FOXP2: variants seen among roughly 807,000 people sequenced by gnomAD.
FOXP2 encodes forkhead box protein P2.
Under a neutral mutation model 115.8 loss-of-function variants are expected in FOXP2, and 12 were observed. The ratio of observed to expected loss-of-function variants is 0.10; its 90% CI spans 0.07 to 0.17. The LOEUF is 0.17. Among genes scored for constraint, FOXP2 ranks in the 10% least tolerant of loss-of-function variants. The probability of loss-of-function intolerance (pLI) is 1.00; values close to 1 mark genes in which losing one functional copy is unlikely to be tolerated. For missense variants in FOXP2, 629 were observed against 843.5 expected (o/e 0.75, Z 3.15); for synonymous variants, 328 against 297.7 (o/e 1.10, Z -1.05).
intron 1 of FOXP2, among the ~76,000 whole-genome samples, chr7:114,190,156 G>T (rs1031625483): frequency 6.6e-6 from 1 of 152,156 alleles, no homozygotes; most frequent in Non-Finnish European, 1.5e-5. Flanking sequence ...CCTTGTAATG[G>T]TTAATTTTAT....
At chr7:114,686,455 G>A (rs1808369977) in intron 16 of FOXP2, among the ~76,000 whole-genome samples, 1 of 152,208 alleles carries the variant, frequency 6.6e-6, no homozygotes, top group African/African-American at 2.4e-5. Context: ...TAACAGGAGT[G>A]AGCCACAGCG....
chr7:114,246,677 G>A (rs1795292870), intron 1 of FOXP2, among the ~76,000 whole-genome samples: 3 of 151,972 alleles, frequency 2.0e-5, no homozygotes, highest in Admixed American at 2.0e-4. Context: ...TTCTAATCAT[G>A]AGGGATTCAG....
At chr7:114,302,191 T>C (rs1796894309) in intron 2 of FOXP2, among the ~76,000 whole-genome samples, 1 of 152,180 alleles carries the variant, frequency 6.6e-6, no homozygotes, top group African/African-American at 2.4e-5. Flanking sequence ...TCAAATGTTT[T>C]TTAGGAATCT....
intron 3 of FOXP2, among the ~76,000 whole-genome samples, chr7:114,588,032 G>T (rs144104690): frequency 6.6e-6 from 1 of 151,590 alleles, no homozygotes; most frequent in East Asian, 2.0e-4. Context: ...CTTTAAGGCC[G>T]GGCATGGTGG....
At chr7:114,474,852 C>A (rs1223713697) in intron 2 of FOXP2, among the ~76,000 whole-genome samples, 1 of 152,002 alleles carries the variant, frequency 6.6e-6, no homozygotes, top group Non-Finnish European at 1.5e-5. Context: ...TTCAAACTGG[C>A]ATCTCTTGAC....
rs112157813 is a variant in FOXP2, at chr7:114,505,801, A to C, written c.169-28816A>C. Among the ~76,000 whole-genome samples, 1,118 of 151,730 alleles carry C rather than the reference A, an allele frequency of 7.4e-3. 18 individuals are homozygous for C. Among genetic ancestry groups the C allele is most frequent in the African/African-American group, 0.025 (1,030 of 41,496 alleles). On this transcript the variant is annotated intron_variant, in intron 2 of 16. Coordinates refer to ENST00000350908, the MANE Select transcript of FOXP2 (RefSeq NM_014491.4). ...CTCTTTAATTGATAAAAATGCTGTT[A>C]TGTAAAAGTCATGTATTTTATGTAT...
intron 1 of FOXP2, among the ~76,000 whole-genome samples, chr7:114,250,944 G>A (rs188691873): frequency 2.3e-3 from 350 of 152,282 alleles, no homozygotes; most frequent in Non-Finnish European, 3.2e-3. Context: ...TAACATTTAA[G>A]TCTTTAATCC....
chr7:114,372,466 G>A (rs186724223), intron 2 of FOXP2, among the ~76,000 whole-genome samples: 10 of 152,140 alleles, frequency 6.6e-5, no homozygotes, highest in Non-Finnish European at 1.5e-4. Flanking sequence ...GGGAAAGAAC[G>A]GGGAAGAGGA....
chr7:114,571,391 T>C (rs1232361260), intron 3 of FOXP2, among the ~76,000 whole-genome samples: 1 of 151,898 alleles, frequency 6.6e-6, no homozygotes, highest in Non-Finnish European at 1.5e-5. Flanking sequence ...ACATAGCAGT[T>C]ATCCTTGGAA....
chr7:114,435,098 A>C (rs1485233989), intron 2 of FOXP2, among the ~76,000 whole-genome samples: 2 of 152,184 alleles, frequency 1.3e-5, no homozygotes, highest in African/African-American at 4.8e-5. Flanking sequence ...GGAAATTCAT[A>C]TCTGCTTATT....
intron 2 of FOXP2, among the ~76,000 whole-genome samples, chr7:114,372,301 C>T (rs373691442): frequency 1.8e-4 from 27 of 152,116 alleles, no homozygotes; most frequent in African/African-American, 6.0e-4. Flanking sequence ...GAAGGCAATT[C>T]CCCCAAAGAT....
intron 13 of FOXP2, among the ~76,000 whole-genome samples, chr7:114,660,256 C>G (rs1398050952): frequency 6.6e-6 from 1 of 152,118 alleles, no homozygotes; most frequent in Non-Finnish European, 1.5e-5. Context: ...CTGAATCTTA[C>G]AAGGAGCTAA....
At chr7:114,609,879 AG>A in intron 3 of FOXP2, among the ~76,000 whole-genome samples, 1 of 152,198 alleles carries the variant, frequency 6.6e-6, no homozygotes, top group African/African-American at 2.4e-5. Context: ...TTTCACATTC[AG>A]CATTATCACT....
intron 1 of FOXP2, among the ~76,000 whole-genome samples, chr7:114,254,763 T>G (rs1044130338): frequency 6.6e-6 from 1 of 152,228 alleles, no homozygotes; most frequent in Non-Finnish European, 1.5e-5. Context: ...TCAGAGAAGT[T>G]TGATCGTCTG....
intron 2 of FOXP2, among the ~76,000 whole-genome samples, chr7:114,493,074 T>C (rs1020804010): frequency 6.6e-6 from 1 of 152,192 alleles, no homozygotes. Context: ...AAGGACTTGC[T>C]TTACGAATCT....
intron 3 of FOXP2, among the ~76,000 whole-genome samples, chr7:114,593,850 T>A (rs776488213): frequency 6.6e-6 from 1 of 152,032 alleles, no homozygotes; most frequent in Non-Finnish European, 1.5e-5. Context: ...ATATATATGA[T>A]GCTAAAAATG....
At chr7:114,669,526 A>G (rs1426057881) in intron 16 of FOXP2, 2 of 152,058 alleles carry the variant, frequency 1.3e-5, no homozygotes, top group Admixed American at 1.3e-4. Flanking sequence ...CCTGAATGCC[A>G]ATATTCCCTT....
intron 2 of FOXP2, among the ~76,000 whole-genome samples, chr7:114,314,912 A>G (rs962975290): frequency 6.6e-6 from 1 of 152,208 alleles, no homozygotes; most frequent in African/African-American, 2.4e-5. Flanking sequence ...CCTGTGTGCA[A>G]TGATTATATA....
chr7:114,642,779 A>ATAATATATATATATATATATAT (rs1491273950), intron 7 of FOXP2, among the ~76,000 whole-genome samples, 156 bp downstream of exon 7: 1 of 91,176 alleles, frequency 1.1e-5, no homozygotes, highest in African/African-American at 4.9e-5. Context: ...TTTTATATAT[A>ATAATATATATATATATATATAT]ATATATATAT....
Sources: gnomAD v4.1 joint callset for allele counts (sites outside exome capture counted in the v4.1 genomes callset) on GRCh38, gnomAD v4.1.1 for gene constraint, MANE v1.5 for transcripts, NCBI Gene and HGNC (gene_info 2026-07-23, HGNC 2026-07-21) for gene names.